Variants in EML4 observed in about 807,000 individuals in gnomAD.
The protein encoded by EML4 is EMAP like 4, also known as echinoderm microtubule-associated protein-like 4.
EML4 carries 72 observed loss-of-function variants against 129.0 expected under a neutral mutation model. The observed-to-expected ratio is 0.56, with a 90% confidence interval of 0.46 to 0.68. EML4 has a LOEUF of 0.68. Among genes scored for constraint, EML4 ranks in the 30% least tolerant of loss-of-function variants. The probability of loss-of-function intolerance (pLI) is 0.00; values close to 1 mark genes in which losing one functional copy is unlikely to be tolerated. For missense variants in EML4, 1,363 were observed against 1,190.6 expected (o/e 1.14, Z -2.13); for synonymous variants, 532 against 405.0 (o/e 1.31, Z -3.77).
At chr2:42,317,554 AT>A in intron 19 of EML4, 30 bp downstream of exon 19, 8 of 1,500,088 alleles carry the variant, frequency 5.3e-6, no homozygotes, top group Non-Finnish European at 7.3e-6. Context: ...AAGTTGTAAA[AT>A]TATTGGGAAA....
intron 1 of EML4, among the ~76,000 whole-genome samples, chr2:42,202,906 T>C (rs1203106425): frequency 6.6e-6 from 1 of 152,142 alleles, no homozygotes; most frequent in African/African-American, 2.4e-5. Flanking sequence ...TGTATGCCTG[T>C]AGTCCTAGTT....
chr2:42,290,648 A>C (rs568299617), intron 11 of EML4, among the ~76,000 whole-genome samples: 1 of 152,044 alleles, frequency 6.6e-6, no homozygotes, highest in Non-Finnish European at 1.5e-5. Context: ...GGAAGCATCA[A>C]TTGAGCCCAG....
intron 1 of EML4, among the ~76,000 whole-genome samples, chr2:42,211,392 AG>A (rs898777744): frequency 1.3e-5 from 2 of 152,184 alleles, no homozygotes; most frequent in African/African-American, 2.4e-5. Flanking sequence ...GTTATTGGGT[AG>A]GGGGGCGAGG....
intron 6 of EML4, among the ~76,000 whole-genome samples, chr2:42,279,484 G>A (rs1337244453): frequency 6.7e-6 from 1 of 150,100 alleles, no homozygotes; most frequent in Non-Finnish European, 1.5e-5. Flanking sequence ...TTGAGACGCA[G>A]TCTTGCTCTG....
At chr2:42,317,394 T>C in intron 18 of EML4, 33 bp from the exon 19 acceptor site, 2 of 1,285,886 alleles carry the variant, frequency 1.6e-6, no homozygotes, top group Non-Finnish European at 2.2e-6. Flanking sequence ...ATCAGTATAT[T>C]TCTCTAGTCA....
Position 42,331,575 on chromosome 2 carries a change from G to C in EML4, c.*1368G>C. The C allele has an allele frequency of 4.5e-6, 1 of 222,222 alleles. No homozygotes were observed. The highest frequency in any genetic ancestry group is 6.6e-5 in the East Asian group (1 of 15,214). 13.8% of individuals were successfully genotyped at this position (222,222 alleles called of 1,614,324 possible). ...TTGTTTTGATACTTTCTATTTTTTT[G>C]GTCAAATCATGTTTAGAAACTTTGG... On this transcript the variant is annotated 3_prime_UTR_variant, in exon 23 of 23. Coordinates refer to ENST00000318522, the MANE Select transcript of EML4 (RefSeq NM_019063.5).
chr2:42,301,745 C>T (rs759964866), intron 14 of EML4, among the ~76,000 whole-genome samples: 4 of 151,680 alleles, frequency 2.6e-5, no homozygotes, highest in Non-Finnish European at 5.9e-5. Flanking sequence ...AGAAAATCTT[C>T]TGGAAAATCC....
At chr2:42,191,935 T>C (rs746118356) in intron 1 of EML4, among the ~76,000 whole-genome samples, 2 of 151,594 alleles carry the variant, frequency 1.3e-5, no homozygotes, top group African/African-American at 2.4e-5. Flanking sequence ...AGGTCAGGAG[T>C]TTGAGACCAG....
chr2:42,231,223 A>G (rs34693897), intron 1 of EML4, among the ~76,000 whole-genome samples: 45,532 of 152,092 alleles, frequency 0.3, 8,145 homozygotes, highest in East Asian at 0.57. Context: ...ATATCTTTGC[A>G]GTCTAACATT....
chr2:42,286,281 C>A lies in EML4; in HGVS notation c.1024C>A (p.His342Asn). 6 of 1,612,500 alleles carry A rather than the reference C, an allele frequency of 3.7e-6. No homozygotes were observed. The highest frequency in any genetic ancestry group is 5.1e-6 in the Non-Finnish European group (6 of 1,178,502). Residue 342 changes from histidine to asparagine, a missense_variant, in exon 10 of 23, where the codon CAC (histidine) becomes AAC (asparagine). By Grantham distance (68) the His-to-Asn change is moderately conservative. Transcript: ENST00000318522. ...VDKDGRPLQP[H>N]VRVWDSVTLS... The stretch of plus-strand genomic sequence containing the variant: ...TGTGTTTTTGCAGCCTCTACAACCC[C>A]ACGTCAGAGTGTGGGATTCTGTTAC...
At chr2:42,233,665 CTT>C (rs887534447) in intron 1 of EML4, among the ~76,000 whole-genome samples, 1 of 152,090 alleles carries the variant, frequency 6.6e-6, no homozygotes, top group Non-Finnish European at 1.5e-5. Context: ...AACTTGGAAA[CTT>C]AGTTAAGAAA....
At chr2:42,306,377 G>C (rs530183461) in intron 17 of EML4, among the ~76,000 whole-genome samples, 2 of 150,820 alleles carry the variant, frequency 1.3e-5, no homozygotes, top group African/African-American at 4.8e-5. Context: ...ATTCACTTCA[G>C]ATCTTTATTT....
chr2:42,280,839 T>C lies in EML4; in HGVS notation c.668-11T>C. Reference sequence around the variant, plus strand: ...TACGTATGACTTAACTTTTGTCTTGTGTTTCAACAGAAGGAGAATATATTA... The same window carrying C: ...TACGTATGACTTAACTTTTGTCTTGCGTTTCAACAGAAGGAGAATATATTA... On this transcript the variant is annotated splice_polypyrimidine_tract_variant and intron_variant, in intron 6 of 22. Transcript: ENST00000318522. The C allele has an allele frequency of 6.3e-7, 1 of 1,599,360 alleles. No homozygotes were observed. The highest frequency in any genetic ancestry group is 8.5e-7 in the Non-Finnish European group (1 of 1,173,726).
chr2:42,257,609 G>T (rs1200947761), intron 3 of EML4, among the ~76,000 whole-genome samples: 1 of 152,188 alleles, frequency 6.6e-6, no homozygotes, highest in African/African-American at 2.4e-5. Flanking sequence ...GCTGAGGCGG[G>T]CGGATCACGA....
rs1572767422 is a variant in EML4 at position 42,327,573 on chromosome 2, G to T, written c.2342-1313G>T. Among the ~76,000 whole-genome samples, 2 of 152,286 alleles carry T rather than the reference G, an allele frequency of 1.3e-5. 1 individual carries two copies. The highest frequency in any genetic ancestry group is 1.3e-4 in the Admixed American group (2 of 15,296). Reference sequence around the variant, plus strand: ...TGTTGAAATACAAAGGCATTTTTAGGAGAATTATATAAAGATAACTATGTG... The same window carrying T: ...TGTTGAAATACAAAGGCATTTTTAGTAGAATTATATAAAGATAACTATGTG... On this transcript the variant is annotated intron_variant, in intron 21 of 22. Transcript: ENST00000318522.
At chr2:42,203,141 G>A (rs1428038812) in intron 1 of EML4, among the ~76,000 whole-genome samples, 1 of 152,196 alleles carries the variant, frequency 6.6e-6, no homozygotes, top group African/African-American at 2.4e-5. Flanking sequence ...GGATATGTTA[G>A]TTGGCCTGAT....
At chr2:42,208,358 A>T (rs556219156) in intron 1 of EML4, among the ~76,000 whole-genome samples, 2 of 151,734 alleles carry the variant, frequency 1.3e-5, no homozygotes, top group South Asian at 2.1e-4. Flanking sequence ...AATTTATATT[A>T]AAAAATTTTT....
intron 17 of EML4, among the ~76,000 whole-genome samples, chr2:42,313,063 C>G (rs1030659691): frequency 6.6e-5 from 10 of 150,884 alleles, no homozygotes; most frequent in African/African-American, 2.4e-4. Flanking sequence ...ATTCTCCTGC[C>G]TCAGCCTTCC....
intron 17 of EML4, among the ~76,000 whole-genome samples, chr2:42,308,427 T>C (rs1173972392): frequency 1.3e-5 from 2 of 152,066 alleles, no homozygotes; most frequent in Non-Finnish European, 2.9e-5. Context: ...GGAGGATTGC[T>C]TTATCCCAGG....
Sources: allele counts gnomAD v4.1 joint callset (sites outside exome capture counted in the v4.1 genomes callset), GRCh38; gene constraint gnomAD v4.1.1; transcripts MANE v1.5; gene names NCBI Gene and HGNC (gene_info 2026-07-23, HGNC 2026-07-21).